Variants in AKAP6 observed in about 807,000 individuals in gnomAD.
The protein encoded by AKAP6 is A-kinase anchoring protein 6, also known as A-kinase anchor protein 6.
Under a neutral mutation model 188.5 loss-of-function variants are expected in AKAP6, and 58 were observed. That is an observed-to-expected ratio of 0.31 (90% CI 0.25 to 0.38). The LOEUF is 0.38. Among genes scored for constraint, AKAP6 ranks in the 10% least tolerant of loss-of-function variants. The probability of loss-of-function intolerance (pLI) is 1.00; values close to 1 mark genes in which losing one functional copy is unlikely to be tolerated. For synonymous variants in AKAP6, 989 were observed against 998.6 expected (o/e 0.99, Z 0.18); for missense variants, 2,710 against 2,740.0 (o/e 0.99, Z 0.24).
chr14:32,501,712 G>A (rs1437193002), intron 2 of AKAP6, among the ~76,000 whole-genome samples: 2 of 152,174 alleles, frequency 1.3e-5, no homozygotes, highest in African/African-American at 4.8e-5. Context: ...ATGAGAAAAT[G>A]TAAGTAGATG....
chr14:32,401,580 A>G (rs1032081218), intron 1 of AKAP6, among the ~76,000 whole-genome samples: 20 of 152,130 alleles, frequency 1.3e-4, no homozygotes, highest in Admixed American at 9.2e-4. Flanking sequence ...TCTCATTTCT[A>G]CATGTGGGAC....
intron 11 of AKAP6, among the ~76,000 whole-genome samples, chr14:32,739,819 G>A (rs1011030498): frequency 6.6e-6 from 1 of 152,136 alleles, no homozygotes; most frequent in Non-Finnish European, 1.5e-5. Context: ...ATTGTGAATA[G>A]TGCTGCAACA....
chr14:32,369,129 C>A (rs989291075), intron 1 of AKAP6, among the ~76,000 whole-genome samples: 3 of 152,090 alleles, frequency 2.0e-5, no homozygotes, highest in Non-Finnish European at 4.4e-5. Context: ...CAGAGGGAAG[C>A]AAGACTGGAG....
intron 13 of AKAP6, 88 bp downstream of exon 13, chr14:32,824,903 G>A: frequency 9.7e-7 from 1 of 1,026,964 alleles, no homozygotes. Context: ...TAGTCAGAAT[G>A]ACCAGTTACG....
At chr14:32,454,733 T>C (rs1355635730) in intron 2 of AKAP6, among the ~76,000 whole-genome samples, 16 of 11,608 alleles carry the variant, frequency 1.4e-3, no homozygotes, top group African/African-American at 3.0e-3. Context: ...CCTTCCCTCC[T>C]TCCCTCCCTC....
chr14:32,393,399 AGAACTGT>A (rs1473657896), intron 1 of AKAP6, among the ~76,000 whole-genome samples: 1 of 152,162 alleles, frequency 6.6e-6, no homozygotes, highest in Non-Finnish European at 1.5e-5. Context: ...CAAAGACTGA[AGAACTGT>A]CTTGGATTGG....
intron 7 of AKAP6, among the ~76,000 whole-genome samples, chr14:32,673,810 C>A (rs1889320632): frequency 6.6e-6 from 1 of 152,140 alleles, no homozygotes. Context: ...GAGCCCCTGT[C>A]ATGTTCCAGA....
intron 3 of AKAP6, 59 bp from the exon 4 acceptor site, chr14:32,545,171 G>A: frequency 6.7e-7 from 1 of 1,489,988 alleles, no homozygotes; most frequent in Non-Finnish European, 9.2e-7. Flanking sequence ...CATTTACATA[G>A]CAGCTGATGT....
chr14:32,819,102 A>G (rs2034457057), intron 12 of AKAP6, among the ~76,000 whole-genome samples: 1 of 152,154 alleles, frequency 6.6e-6, no homozygotes, highest in Non-Finnish European at 1.5e-5. Flanking sequence ...ATCACAGTGA[A>G]TGTACTCCGT....
intron 12 of AKAP6, among the ~76,000 whole-genome samples, chr14:32,789,048 A>G (rs1363462568): frequency 6.6e-6 from 1 of 152,110 alleles, no homozygotes; most frequent in Admixed American, 6.5e-5. Flanking sequence ...TTTGGACAAT[A>G]CAAACCGTAT....
At chr14:32,774,744 GCATA>G (rs72019648) in intron 12 of AKAP6, among the ~76,000 whole-genome samples, 27,764 of 151,446 alleles carry the variant, frequency 0.18, 4,569 homozygotes, top group African/African-American at 0.45. Context: ...TAAATGGAAT[GCATA>G]CATACATACA....
intron 11 of AKAP6, among the ~76,000 whole-genome samples, chr14:32,743,239 T>A (rs531616321): frequency 6.6e-6 from 1 of 152,302 alleles, no homozygotes; most frequent in South Asian, 2.1e-4. Flanking sequence ...GTCCCTATAC[T>A]TTCAGTCTAT....
chr14:32,505,668 AC>A (rs1880835322), intron 2 of AKAP6, among the ~76,000 whole-genome samples: 1 of 152,176 alleles, frequency 6.6e-6, no homozygotes, highest in Non-Finnish European at 1.5e-5. Flanking sequence ...GTATTATGTT[AC>A]ATGCAAAATG....
intron 1 of AKAP6, among the ~76,000 whole-genome samples, chr14:32,383,548 A>C (rs912238406): frequency 2.6e-5 from 4 of 152,228 alleles, no homozygotes; most frequent in African/African-American, 9.6e-5. Flanking sequence ...GTGGAGTTAC[A>C]TCATGTGATG....
Position 32,579,686 on chromosome 14 carries a change from C to G in AKAP6, c.2469+2444C>G, listed in dbSNP as rs145098523. Among the ~76,000 whole-genome samples, 429 of 152,168 alleles carry G rather than the reference C, an allele frequency of 2.8e-3. 1 individual carries two copies. The highest frequency in any genetic ancestry group is 9.2e-3 in the African/African-American group (381 of 41,526). The stretch of plus-strand genomic sequence containing the variant: ...AATCAAATTCTTAGTTTTCCTGTTT[C>G]CATATGAGTCTATATTGTCCTCCTG... On this transcript the variant is annotated intron_variant, in intron 5 of 13. Transcript: ENST00000280979.
chr14:32,826,814 G>A (rs746392622), intron 13 of AKAP6, among the ~76,000 whole-genome samples: 9 of 152,174 alleles, frequency 5.9e-5, no homozygotes, highest in Non-Finnish European at 1.2e-4. Context: ...TGTCAAACTA[G>A]CAGCCAGCCC....
In AKAP6 at chr14:32,823,039, C is replaced by A; in HGVS notation, c.5226C>A (p.Cys1742Ter). Residue 1742 changes from cysteine to a stop codon, truncating the protein, a stop_gained, in exon 13 of 14, where the codon TGC becomes TGA. Transcript: ENST00000280979. LOFTEE classifies it high-confidence loss of function. The stretch of plus-strand genomic sequence containing the variant: ...TCAGCATGATTGTTAATGTCTCTTG[C>A]ACCTCTGCTTGCACTGATGATGAAG... The part of the protein sequence containing the change: ...VNVSMIVNVS[C>*]TSACTDDEDD... 6.2e-7 allele frequency: 1 copy of A among 1,613,796 alleles called. No homozygotes were observed. The highest frequency in any genetic ancestry group is 8.5e-7 in the Non-Finnish European group (1 of 1,179,886).
At chr14:32,662,405 C>T (rs2139580567) in intron 7 of AKAP6, among the ~76,000 whole-genome samples, 1 of 152,164 alleles carries the variant, frequency 6.6e-6, no homozygotes, top group East Asian at 1.9e-4. Flanking sequence ...ATCTCAGAAC[C>T]TCACTCAAAC....
intron 9 of AKAP6, among the ~76,000 whole-genome samples, chr14:32,716,183 C>G (rs1279675321): frequency 6.6e-6 from 1 of 151,824 alleles, no homozygotes. Context: ...CATTGATTTA[C>G]AAATTAAAAT....
Sources: gnomAD v4.1 joint callset for allele counts (sites outside exome capture counted in the v4.1 genomes callset) on GRCh38, gnomAD v4.1.1 for gene constraint, MANE v1.5 for transcripts, NCBI Gene and HGNC (gene_info 2026-07-23, HGNC 2026-07-21) for gene names.